PDS5B: variants seen among roughly 807,000 people sequenced by gnomAD.
PDS5B encodes PDS5 cohesin associated factor B, also known as sister chromatid cohesion protein PDS5 homolog B.
PDS5B carries 51 observed loss-of-function variants against 184.1 expected under a neutral mutation model. The ratio of observed to expected loss-of-function variants is 0.28; its 90% CI spans 0.22 to 0.35. PDS5B has a LOEUF of 0.35. PDS5B is among the 10% of genes least tolerant of loss of function. The probability of loss-of-function intolerance (pLI) is 1.00; values close to 1 mark genes in which losing one functional copy is unlikely to be tolerated. For missense variants in PDS5B, 1,180 were observed against 1,723.3 expected (o/e 0.68, Z 5.58); for synonymous variants, 566 against 569.2 (o/e 0.99, Z 0.08).
chr13:32,703,184 A>G (rs1951912027), intron 17 of PDS5B, among the ~76,000 whole-genome samples: 1 of 152,228 alleles, frequency 6.6e-6, no homozygotes, highest in Non-Finnish European at 1.5e-5. Context: ...TTAATGTGAA[A>G]CTATGAGAAT....
chr13:32,657,370 A>G (rs755676349), intron 3 of PDS5B, among the ~76,000 whole-genome samples: 1 of 152,160 alleles, frequency 6.6e-6, no homozygotes, highest in Non-Finnish European at 1.5e-5. Flanking sequence ...TTTGTCTGAA[A>G]TTAGAATAGC....
At chr13:32,747,840 C>A (rs891497876) in intron 24 of PDS5B, among the ~76,000 whole-genome samples, 4 of 152,160 alleles carry the variant, frequency 2.6e-5, no homozygotes, top group Non-Finnish European at 5.9e-5. Flanking sequence ...ATTTAAAAAA[C>A]ACAAAGTATG....
At chr13:32,649,027 G>GTA (rs1950298450) in intron 2 of PDS5B, 147 bp downstream of exon 2, 2 of 619,626 alleles carry the variant, frequency 3.2e-6, no homozygotes, top group African/African-American at 1.9e-5. Flanking sequence ...AGGGAGTAGA[G>GTA]TATATAAGGT....
chr13:32,655,804 T>C (rs1208271072), intron 3 of PDS5B, among the ~76,000 whole-genome samples: 1 of 152,206 alleles, frequency 6.6e-6, no homozygotes, highest in Admixed American at 6.5e-5. Flanking sequence ...AACTCTATTT[T>C]GCTGTGCAGA....
intron 1 of PDS5B, among the ~76,000 whole-genome samples, chr13:32,648,039 C>G (rs1950271942): frequency 6.6e-6 from 1 of 152,196 alleles, no homozygotes; most frequent in Non-Finnish European, 1.5e-5. Context: ...TCAGCCCCAG[C>G]AAGTGTGCAG....
At chr13:32,656,619 C>CA (rs1349251264) in intron 3 of PDS5B, among the ~76,000 whole-genome samples, 1 of 128,760 alleles carries the variant, frequency 7.8e-6, no homozygotes, top group Non-Finnish European at 1.6e-5. Context: ...TTTTAAAAGA[C>CA]AAAGTCTGGC....
intron 19 of PDS5B, among the ~76,000 whole-genome samples, chr13:32,720,686 T>C (rs967055921): frequency 4.6e-5 from 7 of 152,024 alleles, no homozygotes; most frequent in Admixed American, 1.3e-4. Flanking sequence ...GGGTGTTTCT[T>C]GGAGAGGGGG....
Position 32,649,952 on chromosome 13 carries a change from A to G in PDS5B, c.108+1072A>G, listed in dbSNP as rs116036583. On this transcript the variant is annotated intron_variant, in intron 2 of 34. Coordinates refer to ENST00000315596, the MANE Select transcript of PDS5B (RefSeq NM_015032.4). Reference sequence around the variant, plus strand: ...CTATGTATTTACCTTCTCTTGACCTATTGCATTTTTAGAGAAACTAATACA... The same window carrying G: ...CTATGTATTTACCTTCTCTTGACCTGTTGCATTTTTAGAGAAACTAATACA... The G allele has an allele frequency of 6.8e-3, 1,042 of 152,206 alleles. 13 individuals are homozygous for G. Among genetic ancestry groups the G allele is most frequent in the African/African-American group, 0.024 (1,002 of 41,548 alleles). The allele number at this position is 152,206 out of a possible 1,614,324, so 9.4% of individuals were successfully genotyped here.
chr13:32,670,834 C>A (rs1187024263), intron 7 of PDS5B, among the ~76,000 whole-genome samples: 1 of 152,006 alleles, frequency 6.6e-6, no homozygotes, highest in Non-Finnish European at 1.5e-5. Context: ...TGTTTTTGCA[C>A]CTGCAATGCT....
At chr13:32,655,537 C>T (rs1950492708) in intron 3 of PDS5B, among the ~76,000 whole-genome samples, 1 of 151,086 alleles carries the variant, frequency 6.6e-6, no homozygotes, top group Non-Finnish European at 1.5e-5. Flanking sequence ...CGTCACCACG[C>T]CCAGCTAATT....
In PDS5B at chr13:32,755,845, AATT is replaced by A; in HGVS notation, c.2949_2951del (p.Leu984del). 7.6e-7 allele frequency: 1 copy of A among 1,313,984 alleles called. No individual in the cohort carries two copies. Among genetic ancestry groups the A allele is most frequent in the South Asian group, 1.5e-5 (1 of 64,712 alleles). 81.4% of individuals were successfully genotyped at this position (1,313,984 alleles called of 1,614,324 possible). On this transcript the variant is annotated inframe_deletion, in exon 26 of 35. Transcript: ENST00000315596. Reference sequence around the variant, plus strand: ...GTTTGTTTGTTTTCTTTTTCAGAAAAATTATTGTCTCTTCTACCAGAGTATGTT... The same window carrying A: ...GTTTGTTTGTTTTCTTTTTCAGAAAAATTGTCTCTTCTACCAGAGTATGTT...
chr13:32,735,067 C>A, intron 20 of PDS5B, 105 bp from the exon 21 acceptor site: 1 of 657,836 alleles, frequency 1.5e-6, no homozygotes, highest in Non-Finnish European at 2.3e-6. Context: ...ATTTGAATTA[C>A]AAAATAAATT....
At chr13:32,728,360 T>G (rs1484484176) in intron 19 of PDS5B, among the ~76,000 whole-genome samples, 1 of 152,154 alleles carries the variant, frequency 6.6e-6, no homozygotes, top group African/African-American at 2.4e-5. Context: ...CTATGTCTAG[T>G]AGGAATGAGT....
chr13:32,736,551 A>G lies in PDS5B; in HGVS notation c.2406+1221A>G, dbSNP rs1006893655. 3.3e-5 allele frequency among the ~76,000 whole-genome samples: 5 copies of G among 151,756 alleles called. No homozygotes were observed. The East Asian group carries it at 7.7e-4, about 23-fold the overall frequency. On this transcript the variant is annotated intron_variant, in intron 21 of 34. Transcript: ENST00000315596. ...AATGTTTTTGTCTTTTCTGTTTTCC[A>G]TTGGTTTCCAGTTTTACTATGATGT...
chr13:32,619,425 A>G (rs2058264238), intron 1 of PDS5B, among the ~76,000 whole-genome samples: 2 of 152,198 alleles, frequency 1.3e-5, no homozygotes, highest in East Asian at 1.9e-4. Flanking sequence ...TTGCATATCT[A>G]AACATACAAA....
intron 6 of PDS5B, among the ~76,000 whole-genome samples, chr13:32,666,979 G>C: frequency 6.6e-6 from 1 of 151,942 alleles, no homozygotes; most frequent in East Asian, 1.9e-4. Flanking sequence ...CAATGAATAG[G>C]ACAATCAGTA....
chr13:32,691,183 G>GTA (rs1951539273), intron 13 of PDS5B: 2 of 151,622 alleles, frequency 1.3e-5, no homozygotes, highest in African/African-American at 4.8e-5. Flanking sequence ...ACATATACAT[G>GTA]TATATGTATG....
chr13:32,702,631 T>TA (rs1174655957), intron 17 of PDS5B, among the ~76,000 whole-genome samples: 10 of 152,172 alleles, frequency 6.6e-5, no homozygotes, highest in African/African-American at 9.7e-5. Context: ...ATTCTGTTTT[T>TA]ATAGAAGTGC....
intron 24 of PDS5B, among the ~76,000 whole-genome samples, chr13:32,750,356 G>A (rs1156954916): frequency 6.6e-6 from 1 of 152,166 alleles, no homozygotes; most frequent in Non-Finnish European, 1.5e-5. Flanking sequence ...GTGATATGTG[G>A]ATTTTTACTT....
Sources: allele counts gnomAD v4.1 joint callset (sites outside exome capture counted in the v4.1 genomes callset), GRCh38; gene constraint gnomAD v4.1.1; transcripts MANE v1.5; gene names NCBI Gene and HGNC (gene_info 2026-07-23, HGNC 2026-07-21).